The following CNTN4 variants were observed in gnomAD, a reference collection of about 807,000 sequenced individuals.
The protein encoded by CNTN4 is contactin-4.
A neutral mutation model predicts 122.5 loss-of-function variants in CNTN4; 77 were observed. The ratio of observed to expected loss-of-function variants is 0.63; its 90% CI spans 0.52 to 0.76. The LOEUF (loss-of-function observed/expected upper bound fraction) is 0.76. CNTN4 is among the 30% of genes least tolerant of loss of function. The pLI is 0.00. For synonymous variants in CNTN4, 512 were observed against 447.0 expected, an observed-to-expected ratio of 1.15 and a Z score of -1.83; for missense variants, 1,256 against 1,259.1, an observed-to-expected ratio of 1.00 and a Z score of 0.04.
intron 6 of CNTN4, among the ~76,000 whole-genome samples, chr3:2,769,159 G>T (rs1026602704): frequency 2.0e-5 from 3 of 151,994 alleles, no homozygotes; most frequent in African/African-American, 4.8e-5. Flanking sequence ...ACGCAAATAT[G>T]CACTACATTA....
At chr3:2,321,286 A>G (rs1033225140) in intron 2 of CNTN4, among the ~76,000 whole-genome samples, 1 of 152,138 alleles carries the variant, frequency 6.6e-6, no homozygotes, top group African/African-American at 2.4e-5. Context: ...TCACATAGAT[A>G]TGGGTTCAAA....
intron 2 of CNTN4, among the ~76,000 whole-genome samples, chr3:2,146,128 TTATC>T (rs2035237196): frequency 2.6e-5 from 4 of 151,710 alleles, no homozygotes; most frequent in African/African-American, 9.7e-5. Flanking sequence ...ATGATATTTT[TTATC>T]TATATTTGAG....
chr3:2,666,594 A>ATTTTTTTT (rs1459160903), intron 4 of CNTN4, among the ~76,000 whole-genome samples: 1 of 150,832 alleles, frequency 6.6e-6, no homozygotes, highest in East Asian at 1.9e-4. Flanking sequence ...TTCTTTTTTT[A>ATTTTTTTT]TTTTTATTTT....
Position 2,963,202 on chromosome 3 carries a change from G to A in CNTN4, c.1359-25143G>A, listed in dbSNP as rs1451533179. Among the ~76,000 whole-genome samples the A allele has an allele frequency of 2.6e-5, 4 of 151,894 alleles. No individual in the cohort carries two copies. The East Asian group carries it at 5.8e-4, about 22-fold the overall frequency. ...CCATCATTATCATATCTCTTCCTGT[G>A]CCTAGAATGCACTCTTCTACTTTCT... On this transcript the variant is annotated intron_variant, in intron 13 of 24. Coordinates refer to ENST00000418658, the MANE Select transcript of CNTN4 (RefSeq NM_175607.3).
At chr3:2,815,110 C>T (rs545719410) in intron 6 of CNTN4, among the ~76,000 whole-genome samples, 11 of 152,156 alleles carry the variant, frequency 7.2e-5, no homozygotes, top group Non-Finnish European at 1.5e-4. Flanking sequence ...AGGACTTAAA[C>T]CTAAGACCTG....
chr3:2,436,570 T>G lies in CNTN4; in HGVS notation c.-89+97337T>G, dbSNP rs144227879. On this transcript the variant is annotated intron_variant, in intron 3 of 24. Transcript: ENST00000418658. ...AATCACTCTCTTTTGGCCTTTGGTG[T>G]TGTGGATGTGGAAATAGGGTGTTAG... 1.2e-3 allele frequency among the ~76,000 whole-genome samples: 179 copies of G among 152,144 alleles called. No individual in the cohort carries two copies. The Middle Eastern group carries it at 0.017, about 14-fold the overall frequency.
intron 3 of CNTN4, among the ~76,000 whole-genome samples, chr3:2,473,040 C>A (rs533660859): frequency 6.6e-6 from 1 of 151,898 alleles, no homozygotes; most frequent in Admixed American, 6.6e-5. Flanking sequence ...TTGAGACCAG[C>A]CTGGCCAACC....
At chr3:2,760,220 CTTG>C (rs1231986030) in intron 6 of CNTN4, among the ~76,000 whole-genome samples, 3 of 152,006 alleles carry the variant, frequency 2.0e-5, no homozygotes, top group African/African-American at 7.2e-5. Flanking sequence ...TGCATGTGCT[CTTG>C]TTGTCACATC....
At chr3:2,363,893 G>A (rs890932540) in intron 3 of CNTN4, among the ~76,000 whole-genome samples, 8 of 152,138 alleles carry the variant, frequency 5.3e-5, no homozygotes, top group Non-Finnish European at 1.2e-4. Context: ...ATAATCTATA[G>A]CTTTAATGTA....
At chr3:2,698,267 G>C (rs1365833344) in intron 4 of CNTN4, among the ~76,000 whole-genome samples, 1 of 152,120 alleles carries the variant, frequency 6.6e-6, no homozygotes, top group African/African-American at 2.4e-5. Flanking sequence ...AATTGAATAA[G>C]CTGATACACA....
intron 6 of CNTN4, among the ~76,000 whole-genome samples, chr3:2,755,285 C>G (rs554837247): frequency 6.6e-6 from 1 of 152,092 alleles, no homozygotes; most frequent in Non-Finnish European, 1.5e-5. Flanking sequence ...AACAGGCAAA[C>G]TTTTTTTCTG....
At chr3:2,153,390 A>G (rs1444654695) in intron 2 of CNTN4, among the ~76,000 whole-genome samples, 1 of 152,228 alleles carries the variant, frequency 6.6e-6, no homozygotes, top group African/African-American at 2.4e-5. Context: ...AGGAAGTGAC[A>G]AATGATGTCA....
intron 2 of CNTN4, among the ~76,000 whole-genome samples, chr3:2,212,895 ATATT>A (rs778780826): frequency 2.2e-4 from 33 of 152,184 alleles, no homozygotes; most frequent in Non-Finnish European, 4.0e-4. Context: ...ACTGAAAATA[ATATT>A]TCCCAAAATG....
chr3:2,524,238 G>A (rs2077321141), intron 3 of CNTN4, among the ~76,000 whole-genome samples: 1 of 152,034 alleles, frequency 6.6e-6, no homozygotes, highest in South Asian at 2.1e-4. Flanking sequence ...CATACAATAT[G>A]TGGTCTCTTG....
At chr3:2,622,773 G>C (rs989345969) in intron 4 of CNTN4, among the ~76,000 whole-genome samples, 1 of 152,156 alleles carries the variant, frequency 6.6e-6, no homozygotes, top group African/African-American at 2.4e-5. Context: ...TACAGATGAA[G>C]TAATGGAAAC....
rs55900928 is a variant in CNTN4, at chr3:2,788,602, G to T, written c.359-30884G>T. Among the ~76,000 whole-genome samples the T allele has an allele frequency of 2.0e-3, 311 of 152,238 alleles. 2 individuals carry two copies. Among genetic ancestry groups the T allele is most frequent in the African/African-American group, 7.4e-3 (307 of 41,540 alleles). ...AATCTTTGGAAAAATATACTGTCTT[G>T]TTAAATTCTTTTCCAATTAAATTGT... On this transcript the variant is annotated intron_variant, in intron 6 of 24. Coordinates refer to ENST00000418658, the MANE Select transcript of CNTN4 (RefSeq NM_175607.3).
At chr3:2,145,292 C>T (rs2035191730) in intron 2 of CNTN4, among the ~76,000 whole-genome samples, 1 of 152,156 alleles carries the variant, frequency 6.6e-6, no homozygotes, top group Non-Finnish European at 1.5e-5. Flanking sequence ...GCAGTCCACA[C>T]ATTTATCATA....
intron 4 of CNTN4, among the ~76,000 whole-genome samples, chr3:2,683,327 T>TACACACACACACAC (rs10601751): frequency 8.0e-5 from 12 of 149,382 alleles, no homozygotes; most frequent in Admixed American, 1.3e-4. Context: ...TGCACACATG[T>TACACACACACACAC]ACACACACAC....
intron 14 of CNTN4, among the ~76,000 whole-genome samples, chr3:3,013,400 T>C (rs1697429346): frequency 6.6e-6 from 1 of 152,104 alleles, no homozygotes; most frequent in South Asian, 2.1e-4. Flanking sequence ...TAAGAGAAAG[T>C]CCTTTACTCC....
Sources: gnomAD v4.1 joint callset for allele counts (sites outside exome capture counted in the v4.1 genomes callset) on GRCh38, gnomAD v4.1.1 for gene constraint, MANE v1.5 for transcripts, NCBI Gene and HGNC (gene_info 2026-07-23, HGNC 2026-07-21) for gene names.